SDCCAG8: variants seen among roughly 807,000 people sequenced by gnomAD.
SDCCAG8 encodes serologically defined colon cancer antigen 8.
A neutral mutation model predicts 101.8 loss-of-function variants in SDCCAG8; 74 were observed. That is an observed-to-expected ratio of 0.73 (90% CI 0.60 to 0.88). The LOEUF is 0.88. Among genes scored for constraint, SDCCAG8 ranks in the 40% least tolerant of loss-of-function variants. The pLI is 0.00. For missense variants in SDCCAG8, 787 were observed against 822.6 expected (o/e 0.96, Z 0.53); for synonymous variants, 281 against 292.9 (o/e 0.96, Z 0.41).
chr1:243,347,767 C>T (rs912216667), intron 12 of SDCCAG8, among the ~76,000 whole-genome samples: 1 of 152,132 alleles, frequency 6.6e-6, no homozygotes, highest in Non-Finnish European at 1.5e-5. Context: ...CAAGGATGAG[C>T]TGACCTGAAA....
At chr1:243,417,270 T>C (rs72759870) in intron 14 of SDCCAG8, among the ~76,000 whole-genome samples, 18,353 of 152,178 alleles carry the variant, frequency 0.12, 1,274 homozygotes, top group African/African-American at 0.17. Context: ...ATCCTAGTGA[T>C]CAGAGTCTTG....
At chr1:243,339,601 T>C (rs1346004152) in intron 10 of SDCCAG8, among the ~76,000 whole-genome samples, 1 of 152,186 alleles carries the variant, frequency 6.6e-6, no homozygotes. Flanking sequence ...AAACCATAAG[T>C]CAAATATGAA....
At chr1:243,294,506 C>CGAGAGAGAGAGAGAGA (rs74162272) in intron 6 of SDCCAG8, among the ~76,000 whole-genome samples, 5,964 of 105,826 alleles carry the variant, frequency 0.056, 397 homozygotes, top group African/African-American at 0.12. Context: ...AGAGAAAGAG[C>CGAGAGAGAGAGAGAGA]GAGAGAGAGA....
intron 16 of SDCCAG8, among the ~76,000 whole-genome samples, chr1:243,480,352 TGGGTGGGTGG>T (rs1663255492): frequency 1.5e-5 from 1 of 67,370 alleles, no homozygotes. Flanking sequence ...GTGGGATGGA[TGGGTGGGTGG>T]GATGGATGGA....
intron 17 of SDCCAG8, among the ~76,000 whole-genome samples, chr1:243,492,617 T>TG (rs1666828379): frequency 2.1e-5 from 3 of 144,478 alleles, no homozygotes. Context: ...TTTTTTTTTT[T>TG]TTTTTTTTTT....
intron 17 of SDCCAG8, among the ~76,000 whole-genome samples, chr1:243,490,662 G>GC (rs1300366353): frequency 6.6e-6 from 1 of 152,256 alleles, no homozygotes; most frequent in Non-Finnish European, 1.5e-5. Flanking sequence ...CAGGCGGGAT[G>GC]CCCCACGGGC....
In SDCCAG8 at chr1:243,416,174, T is replaced by C. The variant is rs1038210352; in HGVS notation, c.1744+345T>C. ...GCTGGGTTTTCAGGCACACATGTTA[T>C]ATAAAGAAAATAGCATCAGAAGCTC... On this transcript the variant is annotated intron_variant, in intron 14 of 17. Transcript: ENST00000366541. The surrounding 1 kb of genome is among the most constrained non-coding windows in gnomAD (Gnocchi z 4.3). Among the ~76,000 whole-genome samples, 1 of 152,290 alleles carries C rather than the reference T, an allele frequency of 6.6e-6. No individual in the cohort carries two copies. Among genetic ancestry groups the C allele is most frequent in the Admixed American group, 6.5e-5 (1 of 15,294 alleles).
chr1:243,389,047 G>C (rs1031934158), intron 13 of SDCCAG8, among the ~76,000 whole-genome samples: 1 of 151,760 alleles, frequency 6.6e-6, no homozygotes. Context: ...CTGTAGTCCT[G>C]GCTACTTGGG....
At chr1:243,296,820 A>G (rs1239323378) in intron 6 of SDCCAG8, among the ~76,000 whole-genome samples, 3 of 151,518 alleles carry the variant, frequency 2.0e-5, no homozygotes, top group Admixed American at 2.0e-4. Context: ...GGCGTGAGCC[A>G]CCGCGCCCGG....
At chr1:243,481,589 G>C (rs1341412578) in intron 16 of SDCCAG8, among the ~76,000 whole-genome samples, 2 of 152,160 alleles carry the variant, frequency 1.3e-5, no homozygotes, top group Non-Finnish European at 2.9e-5. Flanking sequence ...TTGCACCTTT[G>C]AAATCCATAT....
At chr1:243,452,242 A>C (rs2083411810) in intron 16 of SDCCAG8, among the ~76,000 whole-genome samples, 1 of 152,096 alleles carries the variant, frequency 6.6e-6, no homozygotes, top group Non-Finnish European at 1.5e-5. Context: ...TGCACTAAGC[A>C]TGTGTTAGTT....
In SDCCAG8 at chr1:243,286,349, T is replaced by G. The variant is rs762183907; in HGVS notation, c.498T>G (p.Ser166=). Residue 166 remains serine, a synonymous_variant, in exon 5 of 18, where the codon TCT becomes TCG. Transcript: ENST00000366541. ...ENEGLQQQLK[S]QRQEETLREQ... is the part of the protein sequence containing the mutation. ...AAGGGCTCCAGCAACAGCTAAAATCTCAAAGACAAGAGGAGACACTGAGGG... is the reference window on the plus strand; with the variant it reads ...AAGGGCTCCAGCAACAGCTAAAATCGCAAAGACAAGAGGAGACACTGAGGG... 2.4e-5 allele frequency: 38 copies of G among 1,613,976 alleles called. No individual in the cohort carries two copies. The South Asian group carries it at 3.6e-4, about 15-fold the overall frequency.
At chr1:243,440,734 C>T (rs2082477822) in intron 16 of SDCCAG8, among the ~76,000 whole-genome samples, 1 of 152,152 alleles carries the variant, frequency 6.6e-6, no homozygotes, top group African/African-American at 2.4e-5. Flanking sequence ...AACAAAATAA[C>T]TTCTGAGGTG....
chr1:243,387,761 C>T (rs1245600807), intron 13 of SDCCAG8, among the ~76,000 whole-genome samples: 1 of 152,148 alleles, frequency 6.6e-6, no homozygotes, highest in Non-Finnish European at 1.5e-5. Flanking sequence ...TGTTGCCCAG[C>T]CTGCAGTGCA....
chr1:243,418,912 T>C (rs1332084955), intron 15 of SDCCAG8, among the ~76,000 whole-genome samples: 1 of 152,162 alleles, frequency 6.6e-6, no homozygotes, highest in African/African-American at 2.4e-5. Flanking sequence ...AAATTGCCTG[T>C]GTGTCTTCTT....
At chr1:243,375,645 G>A (rs1183730140) in intron 12 of SDCCAG8, among the ~76,000 whole-genome samples, 2 of 152,114 alleles carry the variant, frequency 1.3e-5, no homozygotes, top group African/African-American at 2.4e-5. Context: ...CCAAAAGATG[G>A]CCACATCAAA....
intron 13 of SDCCAG8, among the ~76,000 whole-genome samples, chr1:243,388,732 G>A (rs1443638800): frequency 2.6e-5 from 4 of 151,786 alleles, no homozygotes; most frequent in Non-Finnish European, 5.9e-5. Context: ...AAATTAGCCA[G>A]GCATGGTTGT....
chr1:243,368,673 G>A (rs2077123163), intron 12 of SDCCAG8, among the ~76,000 whole-genome samples: 1 of 152,142 alleles, frequency 6.6e-6, no homozygotes, highest in South Asian at 2.1e-4. Context: ...AAACATTGTA[G>A]TCCTCCAGTA....
At chr1:243,498,797 G>A (rs1266388387) in intron 17 of SDCCAG8, among the ~76,000 whole-genome samples, 1 of 152,242 alleles carries the variant, frequency 6.6e-6, no homozygotes, top group Non-Finnish European at 1.5e-5. Context: ...TCACTGGAGA[G>A]GGGCAGGCCC....
Sources: gnomAD v4.1 joint callset for allele counts (sites outside exome capture counted in the v4.1 genomes callset) on GRCh38, gnomAD v4.1.1 for gene constraint, Gnocchi (gnomAD v3.1) non-coding constraint, MANE v1.5 for transcripts, NCBI Gene and HGNC (gene_info 2026-07-23, HGNC 2026-07-21) for gene names.